The following KIF26B variants were observed in gnomAD, a reference collection of about 807,000 sequenced individuals.
The protein encoded by KIF26B is kinesin family member 26B.
In KIF26B, 63 loss-of-function variants were observed where a neutral mutation model predicts 151.2. The observed-to-expected ratio is 0.42, with a 90% confidence interval of 0.34 to 0.51. KIF26B has a LOEUF of 0.51. Ranked by LOEUF, KIF26B falls within the 20% of genes least tolerant of loss-of-function variation. The pLI, the probability that KIF26B is intolerant of heterozygous loss-of-function variation, is 0.07. For missense variants in KIF26B, 2,813 were observed against 2,913.6 expected (o/e 0.97, Z 0.79); for synonymous variants, 1,357 against 1,262.1 (o/e 1.08, Z -1.59).
chr1:245,188,636 G>A (rs1459993271), intron 2 of KIF26B, among the ~76,000 whole-genome samples: 1 of 152,196 alleles, frequency 6.6e-6, no homozygotes, highest in East Asian at 1.9e-4. Context: ...TCATGCAGCT[G>A]CTTTGGAAAA....
At chr1:245,338,939 A>C (rs73130879) in intron 2 of KIF26B, among the ~76,000 whole-genome samples, 115 of 151,608 alleles carry the variant, frequency 7.6e-4, no homozygotes, top group African/African-American at 2.7e-3. Context: ...GTTGACTGCA[A>C]TGGCAAGAAA....
chr1:245,552,116 C>G (rs115146206), intron 5 of KIF26B, among the ~76,000 whole-genome samples: 4,047 of 117,696 alleles, frequency 0.034, 214 homozygotes, highest in African/African-American at 0.11. Flanking sequence ...GAAACAGAAC[C>G]AGCAGGGTGT....
intron 9 of KIF26B, among the ~76,000 whole-genome samples, chr1:245,619,785 C>T (rs1012362128): frequency 6.8e-6 from 1 of 148,074 alleles, no homozygotes; most frequent in Admixed American, 6.8e-5. Flanking sequence ...TGGTGGCGGG[C>T]GCCTGTAGTC....
intron 2 of KIF26B, among the ~76,000 whole-genome samples, chr1:245,180,974 A>G (rs1186299087): frequency 6.6e-6 from 1 of 151,804 alleles, no homozygotes; most frequent in Non-Finnish European, 1.5e-5. Flanking sequence ...AGGGTGGGGG[A>G]CATTGTGCAC....
At chr1:245,458,082 A>T (rs768042360) in intron 4 of KIF26B, among the ~76,000 whole-genome samples, 19 of 152,220 alleles carry the variant, frequency 1.2e-4, no homozygotes, top group Non-Finnish European at 2.2e-4. Flanking sequence ...GAACTGTCCT[A>T]AGGGTTTTAT....
At chr1:245,242,638 A>G (rs113062581) in intron 2 of KIF26B, among the ~76,000 whole-genome samples, 1,738 of 133,708 alleles carry the variant, frequency 0.013, 18 homozygotes, top group Non-Finnish European at 0.023. Flanking sequence ...TTGTATATAT[A>G]TGTGGTTTTT....
At chr1:245,340,307 A>G (rs1185041699) in intron 2 of KIF26B, among the ~76,000 whole-genome samples, 2 of 152,186 alleles carry the variant, frequency 1.3e-5, no homozygotes, top group Admixed American at 1.3e-4. Flanking sequence ...TACAATATAA[A>G]TGCTATATAA....
chr1:245,655,448 G>A (rs1377262353), intron 10 of KIF26B, among the ~76,000 whole-genome samples: 2 of 152,168 alleles, frequency 1.3e-5, no homozygotes, highest in East Asian at 3.9e-4. Context: ...ACCGTCTATC[G>A]AAATGAACCC....
chr1:245,308,753 A>G (rs954201835), intron 2 of KIF26B, among the ~76,000 whole-genome samples: 23 of 152,174 alleles, frequency 1.5e-4, no homozygotes, highest in African/African-American at 5.6e-4. Context: ...AAGACAAAAC[A>G]AAAACATGAA....
intron 4 of KIF26B, among the ~76,000 whole-genome samples, chr1:245,458,315 A>C (rs1158339147): frequency 1.3e-5 from 2 of 152,218 alleles, no homozygotes; most frequent in Admixed American, 1.3e-4. Context: ...GGCAGCGGCT[A>C]TTTAGGCTGT....
intron 2 of KIF26B, among the ~76,000 whole-genome samples, chr1:245,248,483 C>T (rs1448532292): frequency 6.6e-6 from 1 of 152,200 alleles, no homozygotes; most frequent in Non-Finnish European, 1.5e-5. Flanking sequence ...CTGGTTACTT[C>T]CTGAACTTGG....
At chr1:245,471,703 A>C (rs913751030) in intron 4 of KIF26B, among the ~76,000 whole-genome samples, 7 of 152,040 alleles carry the variant, frequency 4.6e-5, no homozygotes, top group African/African-American at 7.3e-5. Context: ...CATATTAATC[A>C]ATTCATTCAT....
intron 2 of KIF26B, among the ~76,000 whole-genome samples, chr1:245,356,004 C>T (rs868267940): frequency 2.0e-5 from 3 of 152,258 alleles, no homozygotes; most frequent in East Asian, 1.9e-4. Flanking sequence ...CTCGTCAGCA[C>T]GCAGATTCCA....
rs114607484 is a variant in KIF26B, at chr1:245,637,603, C to T, written c.2099-8518C>T. ...AATATTCGCCAATGTCCTGTAGTAT[C>T]TCCCCAGTGTTTTCTCCCAGCAGTT... On this transcript the variant is annotated intron_variant, in intron 9 of 14. Transcript: ENST00000407071. Among the ~76,000 whole-genome samples, 561 of 151,822 alleles carry T rather than the reference C, an allele frequency of 3.7e-3. 4 individuals are homozygous for T. The highest frequency in any genetic ancestry group is 0.013 in the African/African-American group (522 of 41,486).
intron 10 of KIF26B, among the ~76,000 whole-genome samples, chr1:245,649,632 G>A (rs1052799352): frequency 4.6e-5 from 7 of 152,004 alleles, no homozygotes; most frequent in East Asian, 1.9e-4. Context: ...GGAGGGTGGC[G>A]GGGGGAACAA....
intron 4 of KIF26B, among the ~76,000 whole-genome samples, chr1:245,526,482 A>G (rs2103093934): frequency 6.6e-6 from 1 of 152,328 alleles, no homozygotes; most frequent in South Asian, 2.1e-4. Flanking sequence ...TTTCCTTTGA[A>G]ATAACCTTAA....
rs57644744 is a variant in KIF26B, at chr1:245,490,306, A to AT, written c.1167-50437dup. Among the ~76,000 whole-genome samples, 91 of 83,766 alleles carry AT rather than the reference A, an allele frequency of 1.1e-3. 1 individual carries two copies. Among genetic ancestry groups the AT allele is most frequent in the African/African-American group, 2.9e-3 (61 of 21,018 alleles). The allele number at this position is 83,766 out of a possible 152,430, so 55.0% of individuals were successfully genotyped here. A position where few individuals can be genotyped will look rare whatever the true frequency, so the allele number is the denominator to read the frequency against. Reference sequence around the variant, plus strand: ...AATACCAACCAAGCTTCTGTAGAACATTTTTTTTTTTTTTTTTTTTTTTTG... The same window carrying AT: ...AATACCAACCAAGCTTCTGTAGAACATTTTTTTTTTTTTTTTTTTTTTTTTG... On this transcript the variant is annotated intron_variant, in intron 4 of 14. Transcript: ENST00000407071.
intron 2 of KIF26B, among the ~76,000 whole-genome samples, chr1:245,303,425 C>T (rs1489756912): frequency 6.6e-6 from 1 of 151,748 alleles, no homozygotes; most frequent in Non-Finnish European, 1.5e-5. Context: ...GTCTCGATCT[C>T]CTGACCTCGT....
chr1:245,420,225 G>C (rs1658452583), intron 4 of KIF26B, among the ~76,000 whole-genome samples: 2 of 152,206 alleles, frequency 1.3e-5, no homozygotes, highest in African/African-American at 4.8e-5. Flanking sequence ...CTTCTTGACA[G>C]ATTAGCCAGA....
Sources: allele counts gnomAD v4.1 joint callset (sites outside exome capture counted in the v4.1 genomes callset), GRCh38; gene constraint gnomAD v4.1.1; transcripts MANE v1.5; gene names NCBI Gene and HGNC (gene_info 2026-07-23, HGNC 2026-07-21).